The following RORA variants were observed in gnomAD, a reference collection of about 807,000 sequenced individuals.
The protein encoded by RORA is RAR related orphan receptor A, also known as nuclear receptor ROR-alpha.
RORA carries 7 observed loss-of-function variants against 69.5 expected under a neutral mutation model. That is an observed-to-expected ratio of 0.10 (90% CI 0.06 to 0.19). RORA has a LOEUF of 0.19. RORA is among the 10% of genes least tolerant of loss of function. The pLI is 1.00. For missense variants in RORA, 457 were observed against 663.0 expected, an observed-to-expected ratio of 0.69 and a Z score of 3.41; for synonymous variants, 261 against 240.8, an observed-to-expected ratio of 1.08 and a Z score of -0.78.
At chr15:60,570,893 G>A (rs1253614550) in intron 2 of RORA, among the ~76,000 whole-genome samples, 2 of 152,218 alleles carry the variant, frequency 1.3e-5, no homozygotes, top group Non-Finnish European at 2.9e-5. Flanking sequence ...GGTAACAGGA[G>A]TGGCTTGGAC....
intron 1 of RORA, among the ~76,000 whole-genome samples, chr15:61,009,245 G>C (rs370756027): frequency 6.6e-6 from 1 of 152,136 alleles, no homozygotes; most frequent in African/African-American, 2.4e-5. Flanking sequence ...AGCCCATTCC[G>C]GGGGAGGGAT....
intron 1 of RORA, among the ~76,000 whole-genome samples, chr15:60,828,297 G>A (rs1314373143): frequency 6.6e-6 from 1 of 152,192 alleles, no homozygotes; most frequent in Non-Finnish European, 1.5e-5. Context: ...AAAGAGACAT[G>A]GTAGGTGAAG....
At chr15:61,033,141 A>C (rs1190922848) in intron 1 of RORA, among the ~76,000 whole-genome samples, 1 of 152,154 alleles carries the variant, frequency 6.6e-6, no homozygotes, top group East Asian at 1.9e-4. Context: ...TACCCCAAGG[A>C]GTTTGTGCAT....
chr15:60,837,291 C>T (rs2073130679), intron 1 of RORA, among the ~76,000 whole-genome samples: 1 of 151,996 alleles, frequency 6.6e-6, no homozygotes, highest in Non-Finnish European at 1.5e-5. Context: ...GTCAATATAT[C>T]AAATTAGAAA....
intron 2 of RORA, among the ~76,000 whole-genome samples, chr15:60,590,837 T>G (rs2068481443): frequency 1.3e-5 from 2 of 152,220 alleles, no homozygotes; most frequent in Admixed American, 1.3e-4. Flanking sequence ...GAATTACATA[T>G]TCTAAAAATG....
chr15:61,148,657 C>A (rs1341796500), intron 1 of RORA, among the ~76,000 whole-genome samples: 1 of 152,136 alleles, frequency 6.6e-6, no homozygotes, highest in African/African-American at 2.4e-5. Context: ...TAATTGCACT[C>A]CTGCAATTTC....
At chr15:60,938,965 T>A (rs1892608047) in intron 1 of RORA, among the ~76,000 whole-genome samples, 1 of 152,232 alleles carries the variant, frequency 6.6e-6, no homozygotes, top group African/African-American at 2.4e-5. Context: ...TCATGCAACA[T>A]GCTTCCAGAA....
At chr15:60,836,832 C>T (rs1372387670) in intron 1 of RORA, among the ~76,000 whole-genome samples, 1 of 151,998 alleles carries the variant, frequency 6.6e-6, no homozygotes, top group Non-Finnish European at 1.5e-5. Flanking sequence ...ATCAGCTCCC[C>T]CCTCTGCCCT....
intron 1 of RORA, among the ~76,000 whole-genome samples, chr15:61,070,222 G>C (rs563689976): frequency 1.3e-5 from 2 of 152,242 alleles, no homozygotes; most frequent in Admixed American, 6.5e-5. Context: ...ACACCTCTCT[G>C]ATGTGCAAAA....
At chr15:60,694,536 C>G (rs1301534733) in intron 1 of RORA, among the ~76,000 whole-genome samples, 1 of 152,210 alleles carries the variant, frequency 6.6e-6, no homozygotes, top group Non-Finnish European at 1.5e-5. Flanking sequence ...TTGTTGTGCA[C>G]ATAACTGCCC....
intron 1 of RORA, among the ~76,000 whole-genome samples, chr15:60,969,974 G>A (rs189448331): frequency 6.6e-6 from 1 of 152,180 alleles, no homozygotes; most frequent in Admixed American, 6.5e-5. Flanking sequence ...AGATACCAGA[G>A]AGCTCATGTA....
intron 1 of RORA, among the ~76,000 whole-genome samples, chr15:60,969,811 G>T (rs140036583): frequency 6.6e-6 from 1 of 152,174 alleles, no homozygotes; most frequent in Non-Finnish European, 1.5e-5. Flanking sequence ...CTAGTTTCCT[G>T]TTATGGGCTG....
chr15:60,572,626 C>G (rs1296100528), intron 2 of RORA, among the ~76,000 whole-genome samples: 2 of 152,150 alleles, frequency 1.3e-5, no homozygotes, highest in African/African-American at 4.8e-5. Flanking sequence ...GGCCAACCAC[C>G]TGAAATGTAT....
rs1211236320 is a variant in RORA at position 60,759,464 on chromosome 15, G to T, written c.167-80778C>A. Among the ~76,000 whole-genome samples, 3 of 152,220 alleles carry T rather than the reference G, an allele frequency of 2.0e-5. No individual in the cohort carries two copies. In the South Asian group the frequency reaches 6.2e-4, roughly 32 times the overall value. Reference sequence around the variant, plus strand: ...CAATGAATACATCATCAAACGGGGGGCAACTTTGAGTCAGTAGCAACCACA... The same window carrying T: ...CAATGAATACATCATCAAACGGGGGTCAACTTTGAGTCAGTAGCAACCACA... On this transcript the variant is annotated intron_variant, in intron 1 of 10. Transcript: ENST00000335670.
intron 2 of RORA, chr15:60,544,714 G>A (rs1260793074): frequency 6.6e-6 from 1 of 151,890 alleles, no homozygotes; most frequent in African/African-American, 2.4e-5. Flanking sequence ...GCCACTAATT[G>A]TGCCCTTTTG....
At chr15:60,699,190 G>A (rs2070947807) in intron 1 of RORA, among the ~76,000 whole-genome samples, 1 of 151,798 alleles carries the variant, frequency 6.6e-6, no homozygotes. Flanking sequence ...ATCCAATCTA[G>A]TAATCTTTTA....
At chr15:61,088,083 A>G (rs2078651866) in intron 1 of RORA, among the ~76,000 whole-genome samples, 1 of 152,256 alleles carries the variant, frequency 6.6e-6, no homozygotes, top group Non-Finnish European at 1.5e-5. Context: ...TGAATGTGCC[A>G]GGTGCTGGGC....
rs929362913 is a variant in RORA at position 60,968,835 on chromosome 15, T to C, written c.166+260218A>G. 6.6e-5 allele frequency among the ~76,000 whole-genome samples: 10 copies of C among 152,268 alleles called. No individual in the cohort carries two copies. In the South Asian group the frequency reaches 2.1e-3, roughly 32 times the overall value. Reference sequence around the variant, plus strand: ...TCAGTACATTACAACCACTCAAGTTTTGGCAAATGTACCCATCATGTTTTT... The same window carrying C: ...TCAGTACATTACAACCACTCAAGTTCTGGCAAATGTACCCATCATGTTTTT... On this transcript the variant is annotated intron_variant, in intron 1 of 10. Transcript: ENST00000335670.
intron 1 of RORA, among the ~76,000 whole-genome samples, chr15:60,773,313 T>G (rs972230514): frequency 8.6e-5 from 13 of 151,636 alleles, no homozygotes; most frequent in African/African-American, 3.2e-4. Flanking sequence ...ACTGAAAACC[T>G]TTTTTTTCTC....
Sources: allele counts gnomAD v4.1 joint callset (sites outside exome capture counted in the v4.1 genomes callset), GRCh38; gene constraint gnomAD v4.1.1; transcripts MANE v1.5; gene names NCBI Gene and HGNC (gene_info 2026-07-23, HGNC 2026-07-21).